The following GLIS3 variants were observed in gnomAD, a reference collection of about 807,000 sequenced individuals.
The protein encoded by GLIS3 is GLIS family zinc finger 3.
GLIS3 carries 53 observed loss-of-function variants against 78.6 expected under a neutral mutation model. The observed-to-expected ratio is 0.67, with a 90% CI of 0.54 to 0.85. The LOEUF is 0.85. Among genes scored for constraint, GLIS3 ranks in the 40% least tolerant of loss-of-function variants. The pLI is 0.00. For missense variants in GLIS3, 1,703 were observed against 1,231.1 expected, an observed-to-expected ratio of 1.38 and a Z score of -5.74; for synonymous variants, 684 against 509.9, an observed-to-expected ratio of 1.34 and a Z score of -4.60.
intron 7 of GLIS3, among the ~76,000 whole-genome samples, chr9:3,893,983 T>C (rs1251018318): frequency 6.6e-6 from 1 of 152,186 alleles, no homozygotes; most frequent in Non-Finnish European, 1.5e-5. Flanking sequence ...TTCTCCAATC[T>C]AACTCGGTGG....
rs148278122 is a variant in GLIS3, at chr9:3,967,873, A to G, written c.1711-30684T>C. On this transcript the variant is annotated intron_variant, in intron 4 of 10. Coordinates refer to ENST00000381971, the MANE Select transcript of GLIS3 (RefSeq NM_001042413.2). ...CCAAGCTCTTCACACTTATTATTTT[A>G]AGGGGGAGAGTGATGGAGGCTCAGG... Among the ~76,000 whole-genome samples, 15 of 152,342 alleles carry G rather than the reference A, an allele frequency of 9.8e-5. No homozygotes were observed. In the East Asian group the frequency reaches 2.9e-3, roughly 29 times the overall value.
chr9:4,358,948 G>A, the GLIS3 span, among the ~76,000 whole-genome samples: 19 of 152,136 alleles, frequency 1.2e-4, no homozygotes, highest in African/African-American at 3.9e-4. Context: ...TTCAAGATGT[G>A]GCTGGGTTCC....
chr9:3,914,418 C>T (rs779192425), intron 6 of GLIS3, among the ~76,000 whole-genome samples: 3 of 151,426 alleles, frequency 2.0e-5, no homozygotes, highest in Non-Finnish European at 2.9e-5. Context: ...CCTCTGGCCT[C>T]GGCCTCCCAA....
the GLIS3 span, among the ~76,000 whole-genome samples, chr9:4,405,371 GAAAAAGA>G: frequency 3.7e-4 from 55 of 147,620 alleles, no homozygotes; most frequent in African/African-American, 6.5e-4. Context: ...AAAAGAAAAA[GAAAAAGA>G]AAAAAGAAAA....
intron 2 of GLIS3, among the ~76,000 whole-genome samples, chr9:4,215,630 T>C (rs1190290828): frequency 6.6e-6 from 1 of 152,214 alleles, no homozygotes; most frequent in Non-Finnish European, 1.5e-5. Flanking sequence ...GAATCATCTT[T>C]CTATGATTCA....
intron 2 of GLIS3, among the ~76,000 whole-genome samples, chr9:4,242,887 G>A (rs1290481020): frequency 6.6e-6 from 1 of 151,790 alleles, no homozygotes; most frequent in Non-Finnish European, 1.5e-5. Flanking sequence ...TTTTAATGTG[G>A]CTACTAAAAT....
At chr9:3,852,443 T>A (rs1264906381) in intron 9 of GLIS3, among the ~76,000 whole-genome samples, 1 of 152,140 alleles carries the variant, frequency 6.6e-6, no homozygotes, top group Non-Finnish European at 1.5e-5. Flanking sequence ...AAATCAAGTT[T>A]TATTAGGTGA....
At chr9:4,419,199 A>G in the GLIS3 span, among the ~76,000 whole-genome samples, 2 of 152,196 alleles carry the variant, frequency 1.3e-5, no homozygotes, top group African/African-American at 4.8e-5. Context: ...TGATTACATC[A>G]GGGAGAAAGA....
chr9:3,968,841 T>C (rs1057323528), intron 4 of GLIS3, among the ~76,000 whole-genome samples: 1 of 152,234 alleles, frequency 6.6e-6, no homozygotes, highest in African/African-American at 2.4e-5. Flanking sequence ...CAAATACATT[T>C]GGTACATTTA....
At chr9:4,461,635 T>C in the GLIS3 span, among the ~76,000 whole-genome samples, 1,297 of 152,338 alleles carry the variant, frequency 8.5e-3, 12 homozygotes, top group African/African-American at 0.029. Context: ...GGCTTGGTCA[T>C]GTGACTTGCT....
intron 2 of GLIS3, among the ~76,000 whole-genome samples, chr9:4,154,902 T>C (rs1834939349): frequency 6.6e-6 from 1 of 152,168 alleles, no homozygotes; most frequent in African/African-American, 2.4e-5. Flanking sequence ...ACTAAACAAA[T>C]TATAGTACAC....
chr9:3,983,081 C>T (rs1819434532), intron 4 of GLIS3, among the ~76,000 whole-genome samples: 1 of 152,094 alleles, frequency 6.6e-6, no homozygotes, highest in South Asian at 2.1e-4. Context: ...ATTATAACTC[C>T]CATAACTCCA....
intron 4 of GLIS3, among the ~76,000 whole-genome samples, chr9:4,106,432 G>C (rs1168668464): frequency 1.3e-5 from 2 of 152,166 alleles, no homozygotes; most frequent in African/African-American, 4.8e-5. Flanking sequence ...CCTTGACCCA[G>C]GGCTGTGGTA....
intron 4 of GLIS3, among the ~76,000 whole-genome samples, chr9:4,070,196 G>A (rs897278373): frequency 1.1e-4 from 17 of 151,962 alleles, no homozygotes; most frequent in African/African-American, 3.9e-4. Context: ...TAGTATTTCC[G>A]ATTCTTCAAT....
intron 4 of GLIS3, among the ~76,000 whole-genome samples, chr9:3,989,504 G>A (rs965997107): frequency 6.6e-6 from 1 of 152,148 alleles, no homozygotes; most frequent in Non-Finnish European, 1.5e-5. Context: ...CTCTCACCAG[G>A]CAGATGTCAA....
At chr9:3,930,155 A>G (rs1346484008) in intron 6 of GLIS3, among the ~76,000 whole-genome samples, 3 of 152,262 alleles carry the variant, frequency 2.0e-5, no homozygotes, top group Non-Finnish European at 2.9e-5. Context: ...AAGAATTTTT[A>G]AAATCTTTGG....
At chr9:4,108,488 A>G (rs908025315) in intron 4 of GLIS3, among the ~76,000 whole-genome samples, 13 of 152,196 alleles carry the variant, frequency 8.5e-5, no homozygotes, top group Middle Eastern at 3.2e-3. Context: ...TTTAAGGCTG[A>G]GTCCTCCATT....
chr9:4,238,706 A>G (rs942563491), intron 2 of GLIS3, among the ~76,000 whole-genome samples: 1 of 152,192 alleles, frequency 6.6e-6, no homozygotes, highest in Non-Finnish European at 1.5e-5. Context: ...CATGAGTCAG[A>G]CACCTTCTTA....
At chr9:4,353,782 T>C in the GLIS3 span, among the ~76,000 whole-genome samples, 3 of 152,154 alleles carry the variant, frequency 2.0e-5, no homozygotes, top group African/African-American at 7.2e-5. Context: ...CTGAATTATA[T>C]GTGTTGAACT....
Sources: allele counts gnomAD v4.1 joint callset (sites outside exome capture counted in the v4.1 genomes callset), GRCh38; gene constraint gnomAD v4.1.1; transcripts MANE v1.5; gene names NCBI Gene and HGNC (gene_info 2026-07-23, HGNC 2026-07-21).